Variants in XKR9 observed in about 807,000 individuals in gnomAD.
The protein encoded by XKR9 is XK-related protein 9.
XKR9 carries 32 observed loss-of-function variants against 32.0 expected under a neutral mutation model. That is an observed-to-expected ratio of 1.00 (90% CI 0.76 to 1.34). The LOEUF (loss-of-function observed/expected upper bound fraction) is 1.34, where lower values mean the gene tolerates loss of function less well. XKR9 is among the 40% of genes most tolerant of loss of function. The probability of loss-of-function intolerance (pLI) is 0.00; values close to 1 mark genes in which losing one functional copy is unlikely to be tolerated. For synonymous variants in XKR9, 168 were observed against 143.4 expected (o/e 1.17, Z -1.22); for missense variants, 546 against 429.7 (o/e 1.27, Z -2.39).
chr8:70,808,405 TG>T, the XKR9 span, among the ~76,000 whole-genome samples: 2,056 of 152,248 alleles, frequency 0.014, 58 homozygotes, highest in East Asian at 0.11. Context: ...CATTTCCAAC[TG>T]AGGTACTGGG....
the XKR9 span, among the ~76,000 whole-genome samples, chr8:70,859,212 A>G: frequency 6.6e-6 from 1 of 152,158 alleles, no homozygotes; most frequent in Non-Finnish European, 1.5e-5. Flanking sequence ...ATATTTCTCA[A>G]AAAAAGACAT....
chr8:70,890,675 CT>C, the XKR9 span, among the ~76,000 whole-genome samples: 8 of 151,908 alleles, frequency 5.3e-5, no homozygotes, highest in African/African-American at 1.9e-4. Flanking sequence ...GACGAATGAT[CT>C]TTTTAATGTG....
the XKR9 span, among the ~76,000 whole-genome samples, chr8:70,844,505 T>G: frequency 0.022 from 3,336 of 152,312 alleles, 136 homozygotes; most frequent in African/African-American, 0.076. Context: ...AGCCTATTGT[T>G]GCTGCTGCAG....
the XKR9 span, among the ~76,000 whole-genome samples, chr8:71,050,254 T>TATAG: frequency 2.6e-4 from 33 of 125,168 alleles, 1 homozygote; most frequent in African/African-American, 1.1e-3. Flanking sequence ...TATATATATA[T>TATAG]ATATATAGAT....
intron 2 of XKR9, among the ~76,000 whole-genome samples, chr8:70,748,919 G>T (rs895186954): frequency 6.6e-5 from 10 of 152,126 alleles, no homozygotes; most frequent in African/African-American, 2.2e-4. Flanking sequence ...CCTACTTCAG[G>T]TCTCCTCAAC....
At chr8:70,836,709 C>T in the XKR9 span, among the ~76,000 whole-genome samples, 1 of 151,606 alleles carries the variant, frequency 6.6e-6, no homozygotes. Context: ...ATTTCTTGGG[C>T]AAATATCGAG....
At chr8:70,722,768 T>G (rs1004289862) in intron 4 of XKR9, among the ~76,000 whole-genome samples, 1 of 152,158 alleles carries the variant, frequency 6.6e-6, no homozygotes, top group African/African-American at 2.4e-5. Context: ...CTGATGGTTA[T>G]GTGTCTTGTG....
At chr8:70,808,394 G>T in the XKR9 span, among the ~76,000 whole-genome samples, 3 of 151,954 alleles carry the variant, frequency 2.0e-5, no homozygotes, top group African/African-American at 7.2e-5. Flanking sequence ...TATGATTTCT[G>T]CATTTCCAAC....
At chr8:70,680,197 C>T (rs1334648854) in intron 2 of XKR9, among the ~76,000 whole-genome samples, 1 of 152,090 alleles carries the variant, frequency 6.6e-6, no homozygotes, top group East Asian at 1.9e-4. Flanking sequence ...TCATACAAAG[C>T]TGCTTTAATC....
chr8:70,922,751 A>C, the XKR9 span, among the ~76,000 whole-genome samples: 1 of 152,206 alleles, frequency 6.6e-6, no homozygotes, highest in Admixed American at 6.5e-5. Context: ...ACCAGTAGTA[A>C]AATTTTAGCA....
At chr8:71,041,927 G>A in the XKR9 span, among the ~76,000 whole-genome samples, 1 of 152,170 alleles carries the variant, frequency 6.6e-6, no homozygotes, top group Non-Finnish European at 1.5e-5. Flanking sequence ...ACAGCAGTGT[G>A]AAAATGGACT....
the XKR9 span, among the ~76,000 whole-genome samples, chr8:71,006,153 A>G: frequency 1.3e-5 from 2 of 152,244 alleles, 1 homozygote; most frequent in Non-Finnish European, 2.9e-5. Flanking sequence ...ATGGCTGGGA[A>G]TTGTTAATGC....
the XKR9 span, among the ~76,000 whole-genome samples, chr8:70,925,747 C>T: frequency 6.8e-4 from 103 of 152,102 alleles, no homozygotes; most frequent in African/African-American, 2.5e-3. Context: ...AGGAAAAGCA[C>T]CATGCAAAGG....
At chr8:70,884,098 A>G in the XKR9 span, among the ~76,000 whole-genome samples, 1 of 152,052 alleles carries the variant, frequency 6.6e-6, no homozygotes, top group Non-Finnish European at 1.5e-5. Context: ...GTGTAGTGGT[A>G]TTTCATTTTA....
the XKR9 span, among the ~76,000 whole-genome samples, chr8:70,819,722 C>T: frequency 1.3e-5 from 2 of 152,276 alleles, no homozygotes; most frequent in South Asian, 2.1e-4. Context: ...TAAAGTAATA[C>T]TGTCCTTGCC....
the XKR9 span, among the ~76,000 whole-genome samples, chr8:71,031,972 C>T: frequency 6.6e-6 from 1 of 152,148 alleles, no homozygotes; most frequent in Non-Finnish European, 1.5e-5. Context: ...CACAATACCT[C>T]CCATCCCACA....
intron 4 of XKR9, among the ~76,000 whole-genome samples, chr8:70,733,098 C>T (rs983131655): frequency 7.2e-5 from 11 of 152,170 alleles, no homozygotes; most frequent in African/African-American, 2.7e-4. Context: ...CAGAGTGAGA[C>T]TCCATCTCAA....
At chr8:70,743,618 G>A (rs941549861) in intron 2 of XKR9, among the ~76,000 whole-genome samples, 5 of 152,056 alleles carry the variant, frequency 3.3e-5, no homozygotes, top group African/African-American at 9.7e-5. Flanking sequence ...GCTGCATCGA[G>A]TCTTCCCCTT....
downstream of XKR9, among the ~76,000 whole-genome samples, chr8:70,739,900 A>AT (rs1425209648): frequency 2.0e-5 from 3 of 151,786 alleles, no homozygotes; most frequent in Non-Finnish European, 2.9e-5. Flanking sequence ...TGCCCTTAAC[A>AT]TTTTTTCCTT....
Sources: allele counts gnomAD v4.1 joint callset (sites outside exome capture counted in the v4.1 genomes callset), GRCh38; gene constraint gnomAD v4.1.1; transcripts MANE v1.5; gene names NCBI Gene and HGNC (gene_info 2026-07-23, HGNC 2026-07-21).